Variants in CFAP44 observed in about 807,000 individuals in gnomAD.
CFAP44 encodes cilia- and flagella-associated protein 44.
A neutral mutation model predicts 216.2 loss-of-function variants in CFAP44; 134 were observed. The ratio of observed to expected loss-of-function variants is 0.62; its 90% CI spans 0.54 to 0.72. The LOEUF (loss-of-function observed/expected upper bound fraction) is 0.72. CFAP44 is among the 30% of genes least tolerant of loss of function. CFAP44 has a pLI of 0.00. For synonymous variants in CFAP44, 700 were observed against 727.6 expected, an observed-to-expected ratio of 0.96 and a Z score of 0.61; for missense variants, 2,035 against 2,182.1, an observed-to-expected ratio of 0.93 and a Z score of 1.34.
chr3:113,319,101 T>C (rs1950117617), intron 28 of CFAP44, among the ~76,000 whole-genome samples: 1 of 152,136 alleles, frequency 6.6e-6, no homozygotes, highest in East Asian at 1.9e-4. Flanking sequence ...TAACCTTGAA[T>C]GTAAATGGGC....
chr3:113,299,703 A>T (rs1190908390), intron 32 of CFAP44, among the ~76,000 whole-genome samples: 2 of 152,218 alleles, frequency 1.3e-5, no homozygotes, highest in Admixed American at 1.3e-4. Context: ...AATGTGGTAC[A>T]TGTAGACAAT....
chr3:113,364,636 CTG>C (rs923878197), intron 19 of CFAP44, among the ~76,000 whole-genome samples: 7 of 152,126 alleles, frequency 4.6e-5, no homozygotes, highest in Admixed American at 6.5e-5. Flanking sequence ...CAATTGTCTC[CTG>C]GTCACAGTTG....
At chr3:113,346,776 G>T (rs1447658873) in intron 22 of CFAP44, among the ~76,000 whole-genome samples, 2 of 152,220 alleles carry the variant, frequency 1.3e-5, no homozygotes, top group African/African-American at 4.8e-5. Context: ...AGCAGGAAAT[G>T]GGCAGGGACA....
At chr3:113,344,739 G>C (rs1417881807) in intron 22 of CFAP44, 27 bp from the exon 23 acceptor site, 1 of 1,474,174 alleles carries the variant, frequency 6.8e-7, no homozygotes, top group Non-Finnish European at 8.9e-7. Flanking sequence ...AGTATTTGCA[G>C]TAGTCACCAT....
chr3:113,409,202 A>C lies in CFAP44; in HGVS notation c.794T>G (p.Ile265Arg). 6.2e-7 allele frequency: 1 copy of C among 1,614,068 alleles called. No individual in the cohort carries two copies. The highest frequency in any genetic ancestry group is 8.5e-7 in the Non-Finnish European group (1 of 1,180,008). ...CTGAGAAAAAGCTTTTGTCCTTAGTATGGGTTGTTCTTCTTTCCAGTTCCA... is the reference window on the plus strand; with the variant it reads ...CTGAGAAAAAGCTTTTGTCCTTAGTCTGGGTTGTTCTTCTTTCCAGTTCCA... Reference protein sequence around the residue: ...TIWNWKEEQPILRTKAFSQEV... With the variant: ...TIWNWKEEQPRLRTKAFSQEV... The change falls in exon 7 of 35, where the codon ATA (isoleucine) becomes AGA (arginine). Residue 265 changes from isoleucine (I) to arginine (R), a missense_variant. Around this residue, in one of 3 missense-constraint regions of CFAP44, gnomAD observed 1,883 missense variants for 2,023.7 expected, o/e 0.93. Transcript: ENST00000393845.
At chr3:113,331,987 T>C (rs1258447675) in intron 25 of CFAP44, among the ~76,000 whole-genome samples, 4 of 152,180 alleles carry the variant, frequency 2.6e-5, no homozygotes, top group African/African-American at 9.7e-5. Context: ...TTTATATGAC[T>C]TAGCAAAGTT....
In CFAP44 at chr3:113,399,930, A is replaced by G. The variant is rs1292091548; in HGVS notation, c.1545T>C (p.Thr515=). ...LAQMKFKQGG[T]ALVWVPRMVN... is the part of the protein sequence containing the mutation. ...CCATTCGGGGTACCCAAACAAGGGC[A>G]GTACCTCCTTGTTTGAATTTCATCT... is the stretch of plus-strand genomic sequence containing the variant. The change falls in exon 13 of 35, where the codon ACT becomes ACC. Residue 515 remains threonine, a synonymous_variant. Transcript: ENST00000393845. The G allele has an allele frequency of 1.9e-6, 3 of 1,599,744 alleles. No homozygotes were observed. The highest frequency in any genetic ancestry group is 1.1e-5 in the South Asian group (1 of 87,580).
At chr3:113,401,362 T>C (rs1934137373) in intron 10 of CFAP44, 75 bp from the exon 11 acceptor site, 1 of 1,388,684 alleles carries the variant, frequency 7.2e-7, no homozygotes, top group African/African-American at 1.5e-5. Flanking sequence ...TTTCTATGTT[T>C]TATTAAAGTA....
chr3:113,366,368 C>A, intron 18 of CFAP44, 59 bp from the exon 19 acceptor site: 1 of 1,549,366 alleles, frequency 6.5e-7, no homozygotes, highest in East Asian at 2.3e-5. Context: ...TGCTTAATTT[C>A]AACTTAATTG....
intron 28 of CFAP44, among the ~76,000 whole-genome samples, chr3:113,308,750 C>T (rs1157713515): frequency 6.6e-6 from 1 of 151,984 alleles, no homozygotes; most frequent in African/African-American, 2.4e-5. Context: ...ACCATTATGC[C>T]CAGCTAATTT....
Position 113,343,859 on chromosome 3 carries a change from C to T in CFAP44, c.3262+657G>A, listed in dbSNP as rs571882600. On this transcript the variant is annotated intron_variant, in intron 23 of 34. Transcript: ENST00000393845. Reference sequence around the variant, plus strand: ...AAGAAGATAAACCAATATTAATGTTCGTATTATATCACTGTCAATAGCCTA... The same window carrying T: ...AAGAAGATAAACCAATATTAATGTTTGTATTATATCACTGTCAATAGCCTA... Among the ~76,000 whole-genome samples, 22 of 152,200 alleles carry T rather than the reference C, an allele frequency of 1.4e-4. No individual in the cohort carries two copies. The South Asian group carries it at 4.2e-3, about 29-fold the overall frequency.
At chr3:113,425,326 T>C (rs1934931134) in intron 4 of CFAP44, among the ~76,000 whole-genome samples, 1 of 152,168 alleles carries the variant, frequency 6.6e-6, no homozygotes, top group African/African-American at 2.4e-5. Context: ...GTACTAACTA[T>C]CCAAAAGGGA....
At chr3:113,367,297 C>T (rs1344885950) in intron 18 of CFAP44, among the ~76,000 whole-genome samples, 1 of 152,206 alleles carries the variant, frequency 6.6e-6, no homozygotes, top group Admixed American at 6.5e-5. Flanking sequence ...TGAGAGACAC[C>T]TCCTAGTAGG....
In CFAP44 at chr3:113,401,615, T is replaced by C; in HGVS notation, c.1295A>G (p.Asn432Ser). Residue 432 changes from asparagine to serine, a missense_variant, in exon 10 of 35, where the codon AAT becomes AGT. By Grantham distance (46) the Asn-to-Ser change is conservative (BLOSUM62 1). Around this residue, in one of 3 missense-constraint regions of CFAP44, gnomAD observed 1,883 missense variants for 2,023.7 expected, o/e 0.93. Transcript: ENST00000393845. The part of the protein sequence containing the change: ...NVNLFSMIKM[N>S]ETGNNFWLAQ... ...CAACCAAAAGTTATTTCCAGTTTCA[T>C]TCATTTTTATCATAGAGAAGAGATT... 2 of 1,613,438 alleles carry C rather than the reference T, an allele frequency of 1.2e-6. No individual in the cohort carries two copies. The highest frequency in any genetic ancestry group is 1.3e-5 in the African/African-American group (1 of 75,014).
chr3:113,425,806 C>A (rs1262618745), intron 4 of CFAP44, among the ~76,000 whole-genome samples: 1 of 152,150 alleles, frequency 6.6e-6, no homozygotes, highest in Admixed American at 6.5e-5. Context: ...GCATTTCTAT[C>A]AAATCTCTAA....
rs529285495 is a variant in CFAP44, at chr3:113,298,059, T to C, written c.5078-1174A>G. 1.5e-4 allele frequency among the ~76,000 whole-genome samples: 23 copies of C among 152,366 alleles called. No homozygotes were observed. The South Asian group carries it at 4.8e-3, about 32-fold the overall frequency. The stretch of plus-strand genomic sequence containing the variant: ...ACGATGAATAGATGATGTGCACGTG[T>C]GTGCTGGCCTGTGGCTGCCTGCCTG... On this transcript the variant is annotated intron_variant, in intron 32 of 34. Coordinates refer to ENST00000393845, the MANE Select transcript of CFAP44 (RefSeq NM_001164496.2).
intron 14 of CFAP44, 36 bp from the exon 15 acceptor site, chr3:113,395,896 T>G: frequency 6.7e-7 from 1 of 1,491,710 alleles, no homozygotes; most frequent in Non-Finnish European, 9.3e-7. Context: ...AAATATATAT[T>G]ACTATGAAAT....
At chr3:113,322,888 C>T (rs1950157493) in intron 28 of CFAP44, among the ~76,000 whole-genome samples, 2 of 152,226 alleles carry the variant, frequency 1.3e-5, no homozygotes, top group Admixed American at 1.3e-4. Context: ...CACAGCTCAG[C>T]ATGGCTGGGG....
Position 113,396,560 on chromosome 3 carries a change from A to C in CFAP44, c.1737T>G (p.Thr579=), listed in dbSNP as rs1237529786. ...QVFKPHTACV[T]ALAYERDGEI... ...CCCCATCACGTTCATAAGCTAAAGC[A>C]GTGACACAAGCAGTATGGGGTTTGA... Residue 579 remains threonine, a synonymous_variant, in exon 14 of 35, where the codon ACT becomes ACG. Coordinates refer to ENST00000393845, the MANE Select transcript of CFAP44 (RefSeq NM_001164496.2). 6.2e-7 allele frequency: 1 copy of C among 1,614,034 alleles called. No individual in the cohort carries two copies. Among genetic ancestry groups the C allele is most frequent in the African/African-American group, 1.3e-5 (1 of 74,924 alleles).
Sources: allele counts gnomAD v4.1 joint callset (sites outside exome capture counted in the v4.1 genomes callset), GRCh38; gene constraint gnomAD v4.1.1; regional missense constraint gnomAD v4.1.1; transcripts MANE v1.5; gene names NCBI Gene and HGNC (gene_info 2026-07-23, HGNC 2026-07-21).